Variants in ADCY5 observed in about 807,000 individuals in gnomAD.
ADCY5 encodes the protein adenylate cyclase 5.
In ADCY5, 30 loss-of-function variants were observed where a neutral mutation model predicts 119.7. The observed-to-expected ratio is 0.25, with a 90% CI of 0.19 to 0.34. The LOEUF is 0.34. Ranked by LOEUF, ADCY5 falls within the 10% of genes least tolerant of loss-of-function variation. The pLI is 1.00. For synonymous variants in ADCY5, 753 were observed against 762.2 expected (o/e 0.99, Z 0.20); for missense variants, 1,324 against 1,775.2 (o/e 0.75, Z 4.57).
chr3:123,300,213 A>G lies in ADCY5; in HGVS notation c.2807T>C (p.Met936Thr). The change falls in exon 15 of 21, where the codon ATG becomes ACG. Residue 936 changes from methionine (M) to threonine (T), a missense_variant. By Grantham distance (81) the Met-to-Thr change is moderately conservative. Coordinates refer to ENST00000462833, the MANE Select transcript of ADCY5 (RefSeq NM_183357.3). Reference sequence around the variant, plus strand: ...CACGTAGATGAGCTCGATGGCCAGCATGAGCACCAGCTTCCCGATGCAGCT... The same window carrying G: ...CACGTAGATGAGCTCGATGGCCAGCGTGAGCACCAGCTTCCCGATGCAGCT... ...QISCIGKLVL[M>T]LAIELIYVLI... 6.2e-7 allele frequency: 1 copy of G among 1,613,838 alleles called. No homozygotes were observed. The highest frequency in any genetic ancestry group is 1.7e-5 in the Admixed American group (1 of 60,032).
At chr3:123,373,967 A>G (rs894844447) in intron 1 of ADCY5, among the ~76,000 whole-genome samples, 1 of 152,092 alleles carries the variant, frequency 6.6e-6, no homozygotes. Context: ...TCAACTCCCA[A>G]ATCTCCATAT....
Position 123,320,434 on chromosome 3 carries a change from A to G in ADCY5, c.2111+315T>C, listed in dbSNP as rs115184337. 7.2e-3 allele frequency among the ~76,000 whole-genome samples: 1,097 copies of G among 152,370 alleles called. 20 individuals carry two copies. Among genetic ancestry groups the G allele is most frequent in the African/African-American group, 0.025 (1,032 of 41,596 alleles). On this transcript the variant is annotated intron_variant, in intron 9 of 20. Transcript: ENST00000462833. ...TGCCTCGGGGCACTGGATGCCAGGC[A>G]CTGCTGACCAGTGTGTAAGGTCTGC... is the stretch of plus-strand genomic sequence containing the variant.
intron 1 of ADCY5, among the ~76,000 whole-genome samples, chr3:123,390,998 A>C (rs1196129753): frequency 1.3e-5 from 2 of 152,216 alleles, no homozygotes; most frequent in Non-Finnish European, 2.9e-5. Flanking sequence ...CAAACACTAC[A>C]AGGACACCGT....
Position 123,282,648 on chromosome 3 carries a change from A to G in ADCY5, c.*1960T>C, listed in dbSNP as rs962698321. ...GAAGAAAGCAGGCCTCCTGTGGCCG[A>G]CGTCAGGATGGCAATGCAGAACTCA... is the stretch of plus-strand genomic sequence containing the variant. On this transcript the variant is annotated 3_prime_UTR_variant, in exon 21 of 21. Coordinates refer to ENST00000462833, the MANE Select transcript of ADCY5 (RefSeq NM_183357.3). The G allele has an allele frequency of 2.0e-5, 3 of 152,390 alleles. No individual in the cohort carries two copies. Among genetic ancestry groups the G allele is most frequent in the Non-Finnish European group, 4.4e-5 (3 of 68,134 alleles). 9.4% of individuals were successfully genotyped at this position (152,390 alleles called of 1,614,324 possible). A position where few individuals can be genotyped will look rare whatever the true frequency, so the allele number is the denominator to read the frequency against.
At chr3:123,332,040 C>T (rs758748409) in intron 4 of ADCY5, among the ~76,000 whole-genome samples, 2 of 152,208 alleles carry the variant, frequency 1.3e-5, no homozygotes, top group South Asian at 4.1e-4. Flanking sequence ...ATGAACGTGT[C>T]GTTCACCACT....
intron 1 of ADCY5, chr3:123,419,038 G>T: frequency 1.6e-6 from 1 of 620,434 alleles, no homozygotes; most frequent in Non-Finnish European, 2.0e-6. Flanking sequence ...CAGCTCATGG[G>T]TCTTCTCAGT....
chr3:123,307,846 C>T (rs1940282013), intron 12 of ADCY5, among the ~76,000 whole-genome samples: 1 of 151,958 alleles, frequency 6.6e-6, no homozygotes, highest in South Asian at 2.1e-4. Context: ...ACATTAGCTT[C>T]CTGGTGAATA....
intron 3 of ADCY5, among the ~76,000 whole-genome samples, chr3:123,339,340 C>T (rs1440129927): frequency 3.3e-5 from 5 of 152,160 alleles, no homozygotes; most frequent in African/African-American, 1.2e-4. Context: ...GGGGAGTTAG[C>T]ACAATCAGGT....
Position 123,318,863 on chromosome 3 carries a change from A to G in ADCY5, c.2257-746T>C, listed in dbSNP as rs368539844. Among the ~76,000 whole-genome samples the G allele has an allele frequency of 3.9e-5, 6 of 152,324 alleles. No homozygotes were observed. The East Asian group carries it at 5.8e-4, about 15-fold the overall frequency. On this transcript the variant is annotated intron_variant, in intron 10 of 20. Coordinates refer to ENST00000462833, the MANE Select transcript of ADCY5 (RefSeq NM_183357.3). Reference sequence around the variant, plus strand: ...TGGGGGGCCGAAAGCAGGTCCCCCAACCACTCTGGGCTTTAGCTTTCTCAT... The same window carrying G: ...TGGGGGGCCGAAAGCAGGTCCCCCAGCCACTCTGGGCTTTAGCTTTCTCAT...
chr3:123,385,878 A>T (rs1944204048), intron 1 of ADCY5, among the ~76,000 whole-genome samples: 1 of 152,204 alleles, frequency 6.6e-6, no homozygotes, highest in Admixed American at 6.5e-5. Context: ...CAGGCTGAGA[A>T]TCATCGTCAC....
intron 1 of ADCY5, among the ~76,000 whole-genome samples, chr3:123,357,940 T>C (rs1943096413): frequency 6.6e-6 from 1 of 152,128 alleles, no homozygotes; most frequent in Admixed American, 6.5e-5. Flanking sequence ...CTCCACTCAG[T>C]GATCAAATAA....
At chr3:123,297,049 AG>A (rs1939559443) in intron 16 of ADCY5, 1 of 1,536,024 alleles carries the variant, frequency 6.5e-7, no homozygotes, top group Middle Eastern at 1.7e-4. Context: ...GTTCTCACAC[AG>A]GCTCCTGGGG....
At chr3:123,353,153 G>C (rs569652663) in intron 1 of ADCY5, among the ~76,000 whole-genome samples, 29 of 152,282 alleles carry the variant, frequency 1.9e-4, no homozygotes, top group African/African-American at 6.5e-4. Context: ...CTAGGCTTCT[G>C]GTCTTTCTGT....
At chr3:123,393,189 C>T (rs1419588669) in intron 1 of ADCY5, among the ~76,000 whole-genome samples, 3 of 152,294 alleles carry the variant, frequency 2.0e-5, no homozygotes, top group Middle Eastern at 3.4e-3. Flanking sequence ...GGTTCAAGCC[C>T]TCTCACTCAG....
At chr3:123,442,117 C>A (rs569105066) in intron 1 of ADCY5, among the ~76,000 whole-genome samples, 1 of 152,328 alleles carries the variant, frequency 6.6e-6, no homozygotes, top group South Asian at 2.1e-4. Flanking sequence ...TAGGGCCTCA[C>A]TTATGTAACT....
At chr3:123,427,141 C>T (rs142705250) in intron 1 of ADCY5, among the ~76,000 whole-genome samples, 26 of 152,222 alleles carry the variant, frequency 1.7e-4, no homozygotes, top group Middle Eastern at 3.4e-3. Flanking sequence ...TGTCCCTAGC[C>T]CTCCAGCTCC....
In ADCY5 at chr3:123,448,373, C is replaced by G. The variant is rs769256576; in HGVS notation, c.173G>C (p.Gly58Ala). 2.0e-5 allele frequency: 30 copies of G among 1,484,810 alleles called. 1 individual carries two copies. The South Asian group carries it at 3.7e-4, about 18-fold the overall frequency. The allele number at this position is 1,484,810 out of a possible 1,614,324, so 92.0% of individuals were successfully genotyped here. A position where few individuals can be genotyped will look rare whatever the true frequency, so the allele number is the denominator to read the frequency against. The change falls in exon 1 of 21, where the codon GGG becomes GCG. Residue 58 changes from glycine to alanine, a missense_variant. Gly to Ala is a moderately conservative substitution (Grantham distance 60). Transcript: ENST00000462833. ...CTGCTGCTGCGGGGTCACCGCCCCC[C>G]CGGGTTTCTTGGTGGAGCCGCGGGC... The part of the protein sequence containing the change: ...GSARGSTKKP[G>A]GAVTPQQQQR...
chr3:123,376,282 T>C (rs981648883), intron 1 of ADCY5, among the ~76,000 whole-genome samples: 1 of 145,068 alleles, frequency 6.9e-6, no homozygotes, highest in African/African-American at 2.6e-5. Flanking sequence ...ATCGCTGCCA[T>C]GATTCCTGCC....
At chr3:123,307,298 T>G (rs1940252056) in intron 12 of ADCY5, among the ~76,000 whole-genome samples, 1 of 152,168 alleles carries the variant, frequency 6.6e-6, no homozygotes. Context: ...AGCCTCTTAT[T>G]GGCTGTGTGA....
Sources: gnomAD v4.1 joint callset for allele counts (sites outside exome capture counted in the v4.1 genomes callset) on GRCh38, gnomAD v4.1.1 for gene constraint, MANE v1.5 for transcripts, NCBI Gene and HGNC (gene_info 2026-07-23, HGNC 2026-07-21) for gene names.